FAT3: variants seen among roughly 807,000 people sequenced by gnomAD.
The protein encoded by FAT3 is FAT atypical cadherin 3.
A neutral mutation model predicts 310.2 loss-of-function variants in FAT3; 95 were observed. The ratio of observed to expected loss-of-function variants is 0.31; its 90% CI spans 0.26 to 0.36. The LOEUF is 0.36. Among genes scored for constraint, FAT3 ranks in the 10% least tolerant of loss-of-function variants. The probability of loss-of-function intolerance (pLI) is 1.00; values close to 1 mark genes in which losing one functional copy is unlikely to be tolerated. For synonymous variants in FAT3, 2,314 were observed against 2,192.9 expected (o/e 1.06, Z -1.54); for missense variants, 5,408 against 5,715.6 (o/e 0.95, Z 1.74).
chr11:92,294,012 G>A (rs958807990), intron 1 of FAT3, among the ~76,000 whole-genome samples: 11 of 151,932 alleles, frequency 7.2e-5, no homozygotes, highest in Admixed American at 7.2e-4. Flanking sequence ...GTCATCTTGG[G>A]CTGCCATAAC....
At chr11:92,265,097 T>C (rs1945899117) in intron 1 of FAT3, among the ~76,000 whole-genome samples, 2 of 152,082 alleles carry the variant, frequency 1.3e-5, no homozygotes, top group South Asian at 4.2e-4. Context: ...TGGAGCTTTT[T>C]ATATTAGAGT....
chr11:92,714,486 T>C (rs1004737896), intron 4 of FAT3, among the ~76,000 whole-genome samples: 2 of 152,028 alleles, frequency 1.3e-5, no homozygotes, highest in Non-Finnish European at 2.9e-5. Flanking sequence ...ATCCACATCA[T>C]ATTCCCCCAA....
At chr11:92,661,932 A>C (rs1474522672) in intron 3 of FAT3, among the ~76,000 whole-genome samples, 1 of 152,120 alleles carries the variant, frequency 6.6e-6, no homozygotes, top group Non-Finnish European at 1.5e-5. Flanking sequence ...TGTAAGATGC[A>C]TGCCTTACAC....
intron 1 of FAT3, among the ~76,000 whole-genome samples, chr11:92,268,335 G>C (rs1404248603): frequency 2.0e-5 from 3 of 152,000 alleles, no homozygotes; most frequent in Non-Finnish European, 4.4e-5. Flanking sequence ...AAGCCACTCA[G>C]CTCCTTAGTG....
chr11:92,438,678 A>T (rs1476560659), intron 2 of FAT3, among the ~76,000 whole-genome samples: 1 of 152,204 alleles, frequency 6.6e-6, no homozygotes, highest in Non-Finnish European at 1.5e-5. Context: ...TATTGCTGTG[A>T]TGTGGGAAAT....
At chr11:92,276,567 G>A (rs371741053) in intron 1 of FAT3, among the ~76,000 whole-genome samples, 2 of 152,156 alleles carry the variant, frequency 1.3e-5, no homozygotes, top group Admixed American at 1.3e-4. Context: ...TTTAAAAGGT[G>A]TGTTGTGCTT....
chr11:92,629,546 G>T (rs1170469204), intron 3 of FAT3, among the ~76,000 whole-genome samples: 6 of 151,572 alleles, frequency 4.0e-5, no homozygotes, highest in Non-Finnish European at 5.9e-5. Flanking sequence ...AAGTAGCTAG[G>T]ACTATAGGCA....
chr11:92,840,909 C>A, intron 18 of FAT3, 150 bp downstream of exon 18: 1 of 745,130 alleles, frequency 1.3e-6, no homozygotes, highest in Non-Finnish European at 2.0e-6. Context: ...AATTCAATTT[C>A]ACACCAGTAA....
chr11:92,405,718 T>A (rs140487970), intron 2 of FAT3, among the ~76,000 whole-genome samples: 32 of 152,162 alleles, frequency 2.1e-4, no homozygotes, highest in African/African-American at 7.2e-4. Context: ...ACCACTGCAC[T>A]CTAGCCTGGG....
chr11:92,578,992 T>TTATAA lies in FAT3; in HGVS notation c.3607+54045_3607+54049dup, dbSNP rs577308114. ...ATCTTGGTGACTGGAATGGTATTAC[T>TTATAA]TATAAGGACATTTCTAAGTTTCACT... On this transcript the variant is annotated intron_variant, in intron 3 of 27. Coordinates refer to ENST00000525166, the MANE Select transcript of FAT3 (RefSeq NM_001367949.2). Among the ~76,000 whole-genome samples, 5 of 152,266 alleles carry TTATAA rather than the reference T, an allele frequency of 3.3e-5. No homozygotes were observed. In the South Asian group the frequency reaches 1.0e-3, roughly 32 times the overall value.
At position 92,809,958 on chromosome 11, in the gene FAT3, G is replaced by A; in HGVS notation, c.9363G>A (p.Leu3121=). 6.2e-7 allele frequency: 1 copy of A among 1,613,960 alleles called. No individual in the cohort carries two copies. The change falls in exon 13 of 28, where the codon CTG becomes CTA. Residue 3121 remains leucine (L), a synonymous_variant. Transcript: ENST00000525166. ...GCCAGTCCAACATCCACCTAATCCTGGAGGATGTGAATGATAACCCCCCTG... is the reference window on the plus strand; with the variant it reads ...GCCAGTCCAACATCCACCTAATCCTAGAGGATGTGAATGATAACCCCCCTG... ...RFCQSNIHLI[L]EDVNDNPPVF...
intron 2 of FAT3, among the ~76,000 whole-genome samples, chr11:92,469,162 G>A (rs80000452): frequency 7.2e-4 from 109 of 152,194 alleles, no homozygotes; most frequent in African/African-American, 2.5e-3. Flanking sequence ...CAGGCATGTG[G>A]GATCTTGATT....
At chr11:92,302,953 G>A (rs895481419) in intron 1 of FAT3, among the ~76,000 whole-genome samples, 5 of 152,068 alleles carry the variant, frequency 3.3e-5, no homozygotes, top group African/African-American at 7.2e-5. Flanking sequence ...TGAACAGAGC[G>A]GGTGCCTGTG....
chr11:92,238,668 C>T (rs1864539039), intron 1 of FAT3, among the ~76,000 whole-genome samples: 1 of 152,010 alleles, frequency 6.6e-6, no homozygotes, highest in Non-Finnish European at 1.5e-5. Flanking sequence ...CTGCACAGAA[C>T]TATACTGCCC....
At chr11:92,412,736 T>TACAC (rs367827231) in intron 2 of FAT3, among the ~76,000 whole-genome samples, 1,346 of 14,944 alleles carry the variant, frequency 0.09, 359 homozygotes, top group Non-Finnish European at 0.16. Flanking sequence ...TATATATATA[T>TACAC]ATATATATAA....
chr11:92,884,219 C>T (rs967963781), intron 24 of FAT3, among the ~76,000 whole-genome samples: 2 of 152,140 alleles, frequency 1.3e-5, no homozygotes, highest in African/African-American at 2.4e-5. Flanking sequence ...CACCAGAGAA[C>T]GGATACATTT....
chr11:92,376,305 C>T (rs1437495983), intron 2 of FAT3, among the ~76,000 whole-genome samples: 1 of 152,128 alleles, frequency 6.6e-6, no homozygotes, highest in Non-Finnish European at 1.5e-5. Flanking sequence ...GCAGTTTCTC[C>T]AGCTGTGAGG....
chr11:92,398,904 A>G (rs1949949137), intron 2 of FAT3, among the ~76,000 whole-genome samples: 1 of 152,200 alleles, frequency 6.6e-6, no homozygotes, highest in Non-Finnish European at 1.5e-5. Context: ...GTTTCTTCAC[A>G]TAATAAACAC....
chr11:92,634,091 G>A (rs924507771), intron 3 of FAT3, among the ~76,000 whole-genome samples: 10 of 152,142 alleles, frequency 6.6e-5, no homozygotes, highest in African/African-American at 9.7e-5. Flanking sequence ...TATAAGCAGC[G>A]ATCTTCTAGA....
Sources: gnomAD v4.1 joint callset for allele counts (sites outside exome capture counted in the v4.1 genomes callset) on GRCh38, gnomAD v4.1.1 for gene constraint, MANE v1.5 for transcripts, NCBI Gene and HGNC (gene_info 2026-07-23, HGNC 2026-07-21) for gene names.